Variants in HAVCR1 observed in about 807,000 individuals in gnomAD.
HAVCR1 encodes the protein hepatitis A virus cellular receptor 1.
Under a neutral mutation model 32.0 loss-of-function variants are expected in HAVCR1, and 34 were observed. That is an observed-to-expected ratio of 1.06 (90% CI 0.81 to 1.42). The LOEUF is 1.42. HAVCR1 is among the 40% of genes most tolerant of loss of function. The pLI, the probability that HAVCR1 is intolerant of heterozygous loss-of-function variation, is 0.00. For synonymous variants in HAVCR1, 178 were observed against 170.3 expected, an observed-to-expected ratio of 1.05 and a Z score of -0.35; for missense variants, 420 against 442.3, an observed-to-expected ratio of 0.95 and a Z score of 0.45.
the HAVCR1 span, among the ~76,000 whole-genome samples, chr5:157,069,138 G>A: frequency 6.6e-6 from 1 of 152,098 alleles, no homozygotes; most frequent in East Asian, 1.9e-4. Context: ...CACTAAACTT[G>A]CCCAGGCAAA....
Position 157,049,071 on chromosome 5 carries a change from G to T in HAVCR1, c.748C>A (p.Pro250Thr). The T allele has an allele frequency of 1.9e-6, 3 of 1,610,862 alleles. No homozygotes were observed. The highest frequency in any genetic ancestry group is 1.3e-5 in the African/African-American group (1 of 74,946). Reference protein sequence around the residue: ...TTLQGAIRREPTSSPLYSYTT... With the variant: ...TTLQGAIRRETTSSPLYSYTT... ...TAAGAGTACAATGGTGAGCTGGTGG[G>T]TTCTCTCCTTATTGCTCCCTGCAGT... is the stretch of plus-strand genomic sequence containing the variant. The change falls in exon 5 of 9, where the codon CCC (proline) becomes ACC (threonine). Residue 250 changes from proline to threonine, a missense_variant. Physicochemically the swap from Pro to Thr is conservative, Grantham distance 38. Coordinates refer to ENST00000523175, the MANE Select transcript of HAVCR1 (RefSeq NM_001173393.3).
intron 4 of HAVCR1, among the ~76,000 whole-genome samples, chr5:157,051,990 T>C (rs1553319): frequency 6.6e-6 from 1 of 152,146 alleles, no homozygotes; most frequent in African/African-American, 2.4e-5. Context: ...GTGAGGACAC[T>C]ATCTCATTTA....
chr5:157,059,928 A>G (rs982301769), upstream of HAVCR1, among the ~76,000 whole-genome samples: 1 of 152,142 alleles, frequency 6.6e-6, no homozygotes, highest in Non-Finnish European at 1.5e-5. Context: ...GTTGGAGGCT[A>G]TGATTGTGCC....
rs975503989 is a variant in HAVCR1, at chr5:157,058,902, A to T, written c.-13+19T>A. The T allele has an allele frequency of 1.3e-5, 2 of 152,228 alleles. No homozygotes were observed. Among genetic ancestry groups the T allele is most frequent in the African/African-American group, 4.8e-5 (2 of 41,464 alleles). The allele number at this position is 152,228 out of a possible 1,614,324, so 9.4% of individuals were successfully genotyped here. A position where few individuals can be genotyped will look rare whatever the true frequency, so the allele number is the denominator to read the frequency against. On this transcript the variant is annotated intron_variant, in intron 1 of 8. Coordinates refer to ENST00000523175, the MANE Select transcript of HAVCR1 (RefSeq NM_001173393.3). ...TTCAAGAGAATGCTTCAGGAAACAG[A>T]AGTCTGGAGCAGACTTACGTTCAGA... is the stretch of plus-strand genomic sequence containing the variant.
chr5:157,052,151 A>C (rs906390051), intron 4 of HAVCR1, among the ~76,000 whole-genome samples: 4 of 152,226 alleles, frequency 2.6e-5, no homozygotes, highest in African/African-American at 9.6e-5. Flanking sequence ...GACAAAAAGC[A>C]ATGGGTCCCC....
chr5:157,050,254 A>G (rs1175549471), intron 4 of HAVCR1, among the ~76,000 whole-genome samples: 2 of 152,214 alleles, frequency 1.3e-5, no homozygotes, highest in Non-Finnish European at 2.9e-5. Context: ...AACACAGGAG[A>G]GTCACGTGGG....
At chr5:157,036,251 G>A (rs1445117997) in intron 7 of HAVCR1, among the ~76,000 whole-genome samples, 4 of 152,238 alleles carry the variant, frequency 2.6e-5, no homozygotes, top group Admixed American at 6.5e-5. Flanking sequence ...GGCCAAGGCA[G>A]GCGGATCACA....
intron 5 of HAVCR1, among the ~76,000 whole-genome samples, chr5:157,044,615 G>GAAAGAAAGAAAAAGAA (rs760337335): frequency 4.7e-4 from 25 of 52,726 alleles, no homozygotes; most frequent in African/African-American, 6.5e-4. Flanking sequence ...AAGAAAGAAA[G>GAAAGAAAGAAAAAGAA]AGAAAGAAAG....
chr5:157,032,344 C>T (rs946697052), intron 8 of HAVCR1, among the ~76,000 whole-genome samples: 2 of 152,194 alleles, frequency 1.3e-5, no homozygotes. Context: ...CATGGAGAAA[C>T]CCCGTCTCTA....
At chr5:157,064,352 A>AAAAAAAG in the HAVCR1 span, among the ~76,000 whole-genome samples, 54 of 145,102 alleles carry the variant, frequency 3.7e-4, no homozygotes, top group African/African-American at 6.8e-4. Context: ...AAAAAAAAAA[A>AAAAAAAG]AAAGAAAGAA....
At chr5:157,030,446 C>A (rs1754106818) in intron 8 of HAVCR1, among the ~76,000 whole-genome samples, 1 of 152,076 alleles carries the variant, frequency 6.6e-6, no homozygotes, top group South Asian at 2.1e-4. Flanking sequence ...CAGGAGGATC[C>A]CTTGAGGCCA....
At chr5:157,044,510 GGAAGGAA>G (rs1755175618) in intron 5 of HAVCR1, among the ~76,000 whole-genome samples, 1 of 106,422 alleles carries the variant, frequency 9.4e-6, no homozygotes, top group African/African-American at 3.6e-5. Flanking sequence ...GAAGGAAGGA[GGAAGGAA>G]GGAAAGAAAG....
In HAVCR1 at chr5:157,032,849, C is replaced by G; in HGVS notation, c.986+5G>C. 6.5e-7 allele frequency: 1 copy of G among 1,531,708 alleles called. No individual in the cohort carries two copies. The highest frequency in any genetic ancestry group is 9.0e-7 in the Non-Finnish European group (1 of 1,109,364). 94.9% of individuals were successfully genotyped at this position (1,531,708 alleles called of 1,614,324 possible). On this transcript the variant is annotated splice_donor_5th_base_variant and intron_variant, in intron 8 of 8. Transcript: ENST00000523175. ...AAGTATTGATAGAAATATTTTCGAG[C>G]TTACCTTAGTTGTTGAACCTCCTTT... is the stretch of plus-strand genomic sequence containing the variant.
At chr5:157,060,034 A>AACATATTG (rs1756442161), upstream of HAVCR1, among the ~76,000 whole-genome samples, 1 of 152,164 alleles carries the variant, frequency 6.6e-6, no homozygotes, top group South Asian at 2.1e-4. Flanking sequence ...AGTTATTACT[A>AACATATTG]ACATATTGAG....
In HAVCR1 at chr5:157,057,972, A is replaced by C. The variant is rs895692190; in HGVS notation, c.-12-17T>G. Reference sequence around the variant, plus strand: ...GGGATCAGCCTGAAGGAAAATGAGCAGACAGGCTGGTTGGTACCCTCCACC... The same window carrying C: ...GGGATCAGCCTGAAGGAAAATGAGCCGACAGGCTGGTTGGTACCCTCCACC... On this transcript the variant is annotated splice_polypyrimidine_tract_variant and intron_variant, in intron 1 of 8. Transcript: ENST00000523175. 5.6e-6 allele frequency: 9 copies of C among 1,596,592 alleles called. No individual in the cohort carries two copies. The African/African-American group carries it at 1.2e-4, about 21-fold the overall frequency.
chr5:157,063,917 T>C (rs973229718), upstream of HAVCR1, among the ~76,000 whole-genome samples: 1 of 152,104 alleles, frequency 6.6e-6, no homozygotes, highest in African/African-American at 2.4e-5. Flanking sequence ...GGAGGGTGCC[T>C]GGTGTGTTTA....
chr5:157,054,455 C>T (rs1276546871), intron 3 of HAVCR1, among the ~76,000 whole-genome samples: 2 of 151,720 alleles, frequency 1.3e-5, no homozygotes, highest in South Asian at 2.1e-4. Context: ...CAGTGAGCCA[C>T]GATTGTGACA....
the HAVCR1 span, among the ~76,000 whole-genome samples, chr5:157,068,443 C>G: frequency 1.3e-5 from 2 of 151,842 alleles, no homozygotes; most frequent in African/African-American, 2.4e-5. Context: ...TTTAATTAGC[C>G]GGGCATGGTG....
chr5:157,058,073 T>C, intron 1 of HAVCR1, 118 bp from the exon 2 acceptor site: 3 of 721,240 alleles, frequency 4.2e-6, no homozygotes, highest in East Asian at 5.2e-5. Flanking sequence ...CATATGAGCC[T>C]GCTCTGCTGG....
Sources: gnomAD v4.1 joint callset for allele counts (sites outside exome capture counted in the v4.1 genomes callset) on GRCh38, gnomAD v4.1.1 for gene constraint, MANE v1.5 for transcripts, NCBI Gene and HGNC (gene_info 2026-07-23, HGNC 2026-07-21) for gene names.